The following CDH13 variants were observed in gnomAD, a reference collection of about 807,000 sequenced individuals.
CDH13 encodes cadherin 13.
In CDH13, 24 loss-of-function variants were observed where a neutral mutation model predicts 63.8. The ratio of observed to expected loss-of-function variants is 0.38; its 90% CI spans 0.27 to 0.53. The LOEUF (loss-of-function observed/expected upper bound fraction) is 0.53. Among genes scored for constraint, CDH13 ranks in the 20% least tolerant of loss-of-function variants. The probability of loss-of-function intolerance (pLI) is 0.85; values close to 1 mark genes in which losing one functional copy is unlikely to be tolerated. For synonymous variants in CDH13, 503 were observed against 355.3 expected, an observed-to-expected ratio of 1.42 and a Z score of -4.67; for missense variants, 1,049 against 903.1, an observed-to-expected ratio of 1.16 and a Z score of -2.07.
At chr16:82,778,427 G>A (rs1378897394) in intron 1 of CDH13, among the ~76,000 whole-genome samples, 1 of 152,004 alleles carries the variant, frequency 6.6e-6, no homozygotes, top group Non-Finnish European at 1.5e-5. Context: ...CCACGTTGCT[G>A]CTATGTACTT....
chr16:82,812,881 C>G (rs950587288), intron 1 of CDH13, among the ~76,000 whole-genome samples: 4 of 149,804 alleles, frequency 2.7e-5, no homozygotes, highest in African/African-American at 9.9e-5. Context: ...GATACTTTCT[C>G]ATAAGGATTC....
At chr16:83,468,166 C>T (rs2073364627) in intron 6 of CDH13, among the ~76,000 whole-genome samples, 1 of 152,130 alleles carries the variant, frequency 6.6e-6, no homozygotes. Flanking sequence ...GAAGAAGAGT[C>T]TTTGCAGTTG....
chr16:83,554,782 C>G (rs1449697482), intron 7 of CDH13, among the ~76,000 whole-genome samples: 1 of 152,176 alleles, frequency 6.6e-6, no homozygotes, highest in Non-Finnish European at 1.5e-5. Flanking sequence ...TTGTAGCCAG[C>G]AATAACTACT....
chr16:83,148,319 C>T (rs1193647540), intron 4 of CDH13, among the ~76,000 whole-genome samples: 1 of 147,518 alleles, frequency 6.8e-6, no homozygotes, highest in Admixed American at 6.6e-5. Context: ...ATGTAGACAA[C>T]ATGTAGACAA....
At chr16:83,306,603 GC>G (rs1479396492) in intron 5 of CDH13, among the ~76,000 whole-genome samples, 2 of 152,126 alleles carry the variant, frequency 1.3e-5, no homozygotes, top group African/African-American at 2.4e-5. Flanking sequence ...GCAAACCTGA[GC>G]TAAATTATAA....
chr16:83,793,336 C>A (rs1916395356), intron 13 of CDH13, among the ~76,000 whole-genome samples: 1 of 152,224 alleles, frequency 6.6e-6, no homozygotes, highest in Non-Finnish European at 1.5e-5. Context: ...ATCTGAGCAT[C>A]CTAGAGCCAG....
intron 1 of CDH13, among the ~76,000 whole-genome samples, chr16:82,780,787 A>C (rs1032361453): frequency 6.6e-6 from 1 of 152,188 alleles, no homozygotes; most frequent in Non-Finnish European, 1.5e-5. Flanking sequence ...TCATTGTTCT[A>C]TTGTTGTCTT....
At chr16:82,653,001 G>A (rs550190573) in intron 1 of CDH13, among the ~76,000 whole-genome samples, 19 of 152,290 alleles carry the variant, frequency 1.2e-4, no homozygotes, top group African/African-American at 2.2e-4. Flanking sequence ...GTAAACAGGC[G>A]ACCAAAAGGT....
chr16:83,024,588 C>G (rs941298599), intron 2 of CDH13, among the ~76,000 whole-genome samples: 4 of 152,166 alleles, frequency 2.6e-5, no homozygotes, highest in Non-Finnish European at 4.4e-5. Flanking sequence ...TGCAACCTCA[C>G]TAAGTCTCAG....
intron 2 of CDH13, among the ~76,000 whole-genome samples, chr16:83,027,740 C>G (rs1000737294): frequency 2.0e-5 from 3 of 152,180 alleles, no homozygotes; most frequent in Non-Finnish European, 2.9e-5. Context: ...CTTAGCTTAT[C>G]TCCATTCTAA....
At chr16:83,786,479 G>A (rs1915887855) in intron 13 of CDH13, among the ~76,000 whole-genome samples, 1 of 152,120 alleles carries the variant, frequency 6.6e-6, no homozygotes, top group Non-Finnish European at 1.5e-5. Flanking sequence ...ATGGACGCAT[G>A]GACAGACAGA....
At chr16:82,822,408 A>G (rs2549161) in intron 1 of CDH13, among the ~76,000 whole-genome samples, 133,796 of 152,208 alleles carry the variant, frequency 0.88, 58,863 homozygotes, top group East Asian at 0.94. Context: ...CCTGTCTTTG[A>G]GGGGATGCAC....
chr16:83,371,855 G>T (rs190075801), intron 6 of CDH13, among the ~76,000 whole-genome samples: 4 of 152,288 alleles, frequency 2.6e-5, no homozygotes, highest in East Asian at 3.9e-4. Context: ...TTGCAGAAAG[G>T]CTATGAAGAT....
At chr16:83,170,985 C>T (rs1242653720) in intron 4 of CDH13, among the ~76,000 whole-genome samples, 1 of 151,872 alleles carries the variant, frequency 6.6e-6, no homozygotes, top group African/African-American at 2.4e-5. Context: ...AGTCTTTTTA[C>T]CCGCCCGCCT....
intron 1 of CDH13, among the ~76,000 whole-genome samples, chr16:82,781,040 G>T (rs777628584): frequency 7.9e-5 from 12 of 152,346 alleles, no homozygotes; most frequent in Non-Finnish European, 1.6e-4. Context: ...AAGGCAGTGG[G>T]ATTTAGGCTT....
chr16:83,690,362 T>C (rs1033055164), intron 10 of CDH13, among the ~76,000 whole-genome samples: 1 of 152,104 alleles, frequency 6.6e-6, no homozygotes, highest in Non-Finnish European at 1.5e-5. Flanking sequence ...TCACCAGTGC[T>C]GTGATGCTTC....
At chr16:83,388,187 C>A (rs1489027604) in intron 6 of CDH13, among the ~76,000 whole-genome samples, 1 of 150,786 alleles carries the variant, frequency 6.6e-6, no homozygotes, top group Non-Finnish European at 1.5e-5. Context: ...GGCATGGTGG[C>A]TTATGGCTGT....
intron 10 of CDH13, among the ~76,000 whole-genome samples, chr16:83,709,682 T>C (rs1173327174): frequency 6.6e-6 from 1 of 152,246 alleles, no homozygotes; most frequent in Non-Finnish European, 1.5e-5. Context: ...CCAGAGCTAG[T>C]CATGCATGAT....
chr16:83,731,379 T>C lies in CDH13; in HGVS notation c.1539-16729T>C, dbSNP rs574848646. ...ATTCTGACTGGTGTGAGATGGTATCTCATTGTGGTTTTGATTTGCATTTCT... is the reference window on the plus strand; with the variant it reads ...ATTCTGACTGGTGTGAGATGGTATCCCATTGTGGTTTTGATTTGCATTTCT... On this transcript the variant is annotated intron_variant, in intron 10 of 13. Coordinates refer to ENST00000567109, the MANE Select transcript of CDH13 (RefSeq NM_001257.5). Among the ~76,000 whole-genome samples the C allele has an allele frequency of 4.6e-5, 7 of 152,348 alleles. No homozygotes were observed. In the East Asian group the frequency reaches 1.4e-3, roughly 29 times the overall value.
Sources: gnomAD v4.1 joint callset for allele counts (sites outside exome capture counted in the v4.1 genomes callset) on GRCh38, gnomAD v4.1.1 for gene constraint, MANE v1.5 for transcripts, NCBI Gene and HGNC (gene_info 2026-07-23, HGNC 2026-07-21) for gene names.